Variants in CACNA1D observed in about 807,000 individuals in gnomAD.
CACNA1D encodes the protein calcium voltage-gated channel subunit alpha1 D.
Under a neutral mutation model 257.1 loss-of-function variants are expected in CACNA1D, and 55 were observed. That is an observed-to-expected ratio of 0.21 (90% CI 0.17 to 0.27). The LOEUF is 0.27. CACNA1D is among the 10% of genes least tolerant of loss of function. The probability of loss-of-function intolerance (pLI) is 1.00; values close to 1 mark genes in which losing one functional copy is unlikely to be tolerated. For missense variants in CACNA1D, 1,876 were observed against 2,784.0 expected, an observed-to-expected ratio of 0.67 and a Z score of 7.34; for synonymous variants, 980 against 1,014.9, an observed-to-expected ratio of 0.97 and a Z score of 0.65.
chr3:53,668,812 C>T (rs1361250735), intron 7 of CACNA1D, among the ~76,000 whole-genome samples: 2 of 152,178 alleles, frequency 1.3e-5, no homozygotes, highest in African/African-American at 2.4e-5. Flanking sequence ...TGGCTTTATT[C>T]TAATCAGACT....
intron 8 of CACNA1D, among the ~76,000 whole-genome samples, chr3:53,695,132 A>G (rs1052379477): frequency 2.6e-4 from 39 of 152,152 alleles, no homozygotes; most frequent in African/African-American, 9.2e-4. Context: ...AGGGAAAGAA[A>G]TGGGCAACAA....
intron 9 of CACNA1D, among the ~76,000 whole-genome samples, chr3:53,716,910 A>G (rs1251462447): frequency 2.0e-5 from 3 of 152,248 alleles, no homozygotes; most frequent in Non-Finnish European, 4.4e-5. Flanking sequence ...CCCTGCTGTT[A>G]CCTTTATGAA....
chr3:53,656,582 T>G (rs1053351541), intron 4 of CACNA1D, among the ~76,000 whole-genome samples: 3 of 152,194 alleles, frequency 2.0e-5, no homozygotes, highest in Non-Finnish European at 4.4e-5. Flanking sequence ...AAATGTTGAC[T>G]TTATCAAAAT....
At position 53,732,043 on chromosome 3, in the gene CACNA1D, G is replaced by C; in HGVS notation, c.2434G>C (p.Asp812His). ...KVTIDDYREE[D>H]EDKDPYPPCD... ...TACAATTGATGACTATAGAGAAGAG[G>C]ATGAAGACAAGGACCCCTATCCGCC... Residue 812 changes from aspartate (D) to histidine (H), a missense_variant, in exon 18 of 48, where the codon GAT (aspartate) becomes CAT (histidine). Coordinates refer to ENST00000350061, the MANE Select transcript of CACNA1D (RefSeq NM_001128840.3). The C allele has an allele frequency of 6.2e-7, 1 of 1,612,322 alleles. No homozygotes were observed. The highest frequency in any genetic ancestry group is 8.5e-7 in the Non-Finnish European group (1 of 1,178,266).
chr3:53,810,780 A>AC (rs796085104), intron 47 of CACNA1D, among the ~76,000 whole-genome samples: 47 of 131,960 alleles, frequency 3.6e-4, no homozygotes, highest in African/African-American at 6.9e-4. Flanking sequence ...AAAAAAAAAA[A>AC]AAAAAACAAA....
rs760088044 is a variant in CACNA1D, at chr3:53,495,213, A to G, written c.47A>G (p.Gln16Arg). Residue 16 changes from glutamine (Q) to arginine (R), a missense_variant, in exon 1 of 48, where the codon CAG becomes CGG. Gln to Arg is a conservative substitution (Grantham distance 43). Coordinates refer to ENST00000350061, the MANE Select transcript of CACNA1D (RefSeq NM_001128840.3). The surrounding 1 kb of genome is among the most constrained non-coding windows in gnomAD (Gnocchi z 5.1). ...AAAAAAATGCAGCATCAACGGCAGCAGCAAGCGGACCACGCGAACGGTGAG... is the reference window on the plus strand; with the variant it reads ...AAAAAAATGCAGCATCAACGGCAGCGGCAAGCGGACCACGCGAACGGTGAG... ...MMKKMQHQRQQQADHANEANY... is the reference protein window; with the variant it reads ...MMKKMQHQRQRQADHANEANY... 10 of 1,613,732 alleles carry G rather than the reference A, an allele frequency of 6.2e-6. No homozygotes were observed. The highest frequency in any genetic ancestry group is 5.3e-5 in the African/African-American group (4 of 74,922).
intron 8 of CACNA1D, among the ~76,000 whole-genome samples, chr3:53,680,255 C>T (rs1418022550): frequency 6.6e-6 from 1 of 152,184 alleles, no homozygotes; most frequent in African/African-American, 2.4e-5. Flanking sequence ...GTTTCCCTGG[C>T]AACAGCAGTG....
chr3:53,579,876 C>T (rs1479516436), intron 3 of CACNA1D, among the ~76,000 whole-genome samples: 1 of 152,190 alleles, frequency 6.6e-6, no homozygotes, highest in Non-Finnish European at 1.5e-5. Flanking sequence ...GCCATGCAGG[C>T]CCCGGATGCT....
At chr3:53,686,568 A>G (rs551009232) in intron 8 of CACNA1D, among the ~76,000 whole-genome samples, 1 of 152,234 alleles carries the variant, frequency 6.6e-6, no homozygotes, top group Admixed American at 6.5e-5. Flanking sequence ...ATAGAATGAA[A>G]GAGGAAATCA....
At chr3:53,783,613 A>C (rs1431144510) in intron 39 of CACNA1D, among the ~76,000 whole-genome samples, 2 of 152,220 alleles carry the variant, frequency 1.3e-5, no homozygotes, top group Admixed American at 1.3e-4. Context: ...TGCAGGGCTT[A>C]TCCGGGCTGA....
intron 3 of CACNA1D, among the ~76,000 whole-genome samples, chr3:53,502,931 T>TGA (rs1211606821): frequency 6.6e-6 from 1 of 152,188 alleles, no homozygotes; most frequent in Non-Finnish European, 1.5e-5. Flanking sequence ...CTTCTCATGT[T>TGA]GAAGCTCTAT....
chr3:53,577,216 C>T (rs935919057), intron 3 of CACNA1D, among the ~76,000 whole-genome samples: 1 of 152,184 alleles, frequency 6.6e-6, no homozygotes, highest in Non-Finnish European at 1.5e-5. Flanking sequence ...GGTGGCTTCT[C>T]ATAAAATTGG....
chr3:53,591,347 G>T (rs2093301907), intron 3 of CACNA1D, among the ~76,000 whole-genome samples: 1 of 152,118 alleles, frequency 6.6e-6, no homozygotes, highest in Non-Finnish European at 1.5e-5. Context: ...CCGCCTCCTG[G>T]GTTCAAGTGA....
intron 40 of CACNA1D, among the ~76,000 whole-genome samples, chr3:53,788,791 G>A (rs1034272306): frequency 6.6e-6 from 1 of 152,120 alleles, no homozygotes; most frequent in African/African-American, 2.4e-5. Flanking sequence ...GTCATCGATG[G>A]TTGATGTCCT....
chr3:53,566,535 G>GC (rs2092842258), intron 3 of CACNA1D, among the ~76,000 whole-genome samples: 1 of 152,010 alleles, frequency 6.6e-6, no homozygotes, highest in African/African-American at 2.4e-5. Context: ...TTCACTGTCT[G>GC]CCCTCCCTCG....
Position 53,677,929 on chromosome 3 carries a change from C to T in CACNA1D, c.1220+4803C>T, listed in dbSNP as rs117968715. Reference sequence around the variant, plus strand: ...ATGGAGCTCATCACAGTAGCAGCTTCGTGAAGTTCAGTGAGGACTCAGTGA... The same window carrying T: ...ATGGAGCTCATCACAGTAGCAGCTTTGTGAAGTTCAGTGAGGACTCAGTGA... On this transcript the variant is annotated intron_variant, in intron 8 of 47. Coordinates refer to ENST00000350061, the MANE Select transcript of CACNA1D (RefSeq NM_001128840.3). Among the ~76,000 whole-genome samples the T allele has an allele frequency of 8.8e-3, 1,343 of 152,176 alleles. 34 individuals are homozygous for T. The highest frequency in any genetic ancestry group is 0.085 in the East Asian group (441 of 5,182).
chr3:53,518,059 T>G (rs2091413450), intron 3 of CACNA1D, among the ~76,000 whole-genome samples: 1 of 152,254 alleles, frequency 6.6e-6, no homozygotes, highest in Non-Finnish European at 1.5e-5. Flanking sequence ...CACCACTAGC[T>G]GGGTAGCCAC....
intron 14 of CACNA1D, among the ~76,000 whole-genome samples, chr3:53,726,510 A>C (rs111463821): frequency 6.6e-6 from 1 of 152,062 alleles, no homozygotes; most frequent in Non-Finnish European, 1.5e-5. Flanking sequence ...GGTGGTGGTC[A>C]CCTGTAATCC....
chr3:53,719,837 C>T, intron 11 of CACNA1D, 56 bp downstream of exon 11: 1 of 1,502,424 alleles, frequency 6.7e-7, no homozygotes, highest in Admixed American at 1.7e-5. Context: ...TGTATGTTCT[C>T]ACTTCTGAAT....
Sources: gnomAD v4.1 joint callset for allele counts (sites outside exome capture counted in the v4.1 genomes callset) on GRCh38, gnomAD v4.1.1 for gene constraint, Gnocchi (gnomAD v3.1) non-coding constraint, MANE v1.5 for transcripts, NCBI Gene and HGNC (gene_info 2026-07-23, HGNC 2026-07-21) for gene names.